The following DNAJC5 variants were observed in gnomAD, a reference collection of about 807,000 sequenced individuals.
DNAJC5 encodes dnaJ homolog subfamily C member 5.
DNAJC5 carries 1 observed loss-of-function variant against 23.2 expected under a neutral mutation model. That is an observed-to-expected ratio of 0.04 (90% CI 0.02 to 0.20). DNAJC5 has a LOEUF of 0.20. Among genes scored for constraint, DNAJC5 ranks in the 10% least tolerant of loss-of-function variants. DNAJC5 has a pLI of 1.00. For synonymous variants in DNAJC5, 136 were observed against 120.0 expected, an observed-to-expected ratio of 1.13 and a Z score of -0.87; for missense variants, 180 against 267.0, an observed-to-expected ratio of 0.67 and a Z score of 2.27.
At chr20:63,923,192 G>A (rs944829864) in intron 1 of DNAJC5, among the ~76,000 whole-genome samples, 24 of 150,556 alleles carry the variant, frequency 1.6e-4, no homozygotes, top group Admixed American at 1.6e-3. Context: ...GCAGTGGCTT[G>A]CACCTATAAT....
At position 63,933,463 on chromosome 20, in the gene DNAJC5, C is replaced by G. The variant is rs886056945; in HGVS notation, c.*1895C>G. ...TGTCCCACTTTTCTTTGTTTCTTCT[C>G]ACTAAAATGATCACGAAGACCTTTG... On this transcript the variant is annotated 3_prime_UTR_variant, in exon 5 of 5. Transcript: ENST00000360864. 6.6e-6 allele frequency: 1 copy of G among 152,330 alleles called. No homozygotes were observed. The highest frequency in any genetic ancestry group is 1.5e-5 in the Non-Finnish European group (1 of 68,032). 9.4% of individuals were successfully genotyped at this position (152,330 alleles called of 1,614,324 possible).
At chr20:63,909,910 C>T (rs2053471908) in intron 1 of DNAJC5, among the ~76,000 whole-genome samples, 1 of 152,206 alleles carries the variant, frequency 6.6e-6, no homozygotes, top group African/African-American at 2.4e-5. Context: ...CAGCAAGCAG[C>T]ATGACCTCGT....
intron 1 of DNAJC5, among the ~76,000 whole-genome samples, chr20:63,895,731 A>C (rs2053370940): frequency 6.6e-6 from 1 of 152,162 alleles, no homozygotes; most frequent in Admixed American, 6.5e-5. Context: ...AGGGAGGCAG[A>C]TAATTTAGTC....
chr20:63,909,120 C>T (rs817382), intron 1 of DNAJC5: 55,814 of 151,672 alleles, frequency 0.37, 11,746 homozygotes, highest in East Asian at 0.81. Flanking sequence ...CTGTCCCCCC[C>T]GCCCAAAAAA....
At chr20:63,895,881 T>C (rs2053372158) in intron 1 of DNAJC5, among the ~76,000 whole-genome samples, 1 of 152,246 alleles carries the variant, frequency 6.6e-6, no homozygotes, top group Non-Finnish European at 1.5e-5. Flanking sequence ...ATAAAAACAT[T>C]TGAAGCCATG....
intron 1 of DNAJC5, among the ~76,000 whole-genome samples, chr20:63,917,200 C>T (rs1029142952): frequency 6.6e-5 from 10 of 152,196 alleles, no homozygotes; most frequent in African/African-American, 1.4e-4. Context: ...GCCGGTCCAT[C>T]TGTTCAGGGT....
rs2053562927 is a variant in DNAJC5, at chr20:63,920,644, GA to G, written c.-11-7690del. 6.6e-6 allele frequency among the ~76,000 whole-genome samples: 1 copy of G among 152,204 alleles called. No homozygotes were observed. Among genetic ancestry groups the G allele is most frequent in the South Asian group, 2.1e-4 (1 of 4,826 alleles). ...GGGATACGCTGGATTTGTAAAACGT[GA>G]CCCTTTTTGTTTGCTTTTAATTTTT... On this transcript the variant is annotated intron_variant, in intron 1 of 4. Transcript: ENST00000360864. This position sits in a 1 kb window ranked among gnomAD's most constrained non-coding sequence, Gnocchi z 4.6.
chr20:63,896,708 T>G (rs1375751536), intron 1 of DNAJC5, among the ~76,000 whole-genome samples: 3 of 152,186 alleles, frequency 2.0e-5, no homozygotes, highest in Admixed American at 2.0e-4. Context: ...CAGCGCTGAA[T>G]CCTCCTAGTG....
chr20:63,925,431 T>A (rs1295218244), intron 1 of DNAJC5, among the ~76,000 whole-genome samples: 2 of 152,106 alleles, frequency 1.3e-5, no homozygotes, highest in African/African-American at 4.8e-5. Flanking sequence ...TGCAGTGAAC[T>A]GAGGTCACAC....
rs542947171 is a variant in DNAJC5 at position 63,922,761 on chromosome 20, C to T, written c.-11-5574C>T. 5.0e-3 allele frequency among the ~76,000 whole-genome samples: 758 copies of T among 152,188 alleles called. 4 individuals carry two copies. The highest frequency in any genetic ancestry group is 8.6e-3 in the Non-Finnish European group (587 of 68,010). On this transcript the variant is annotated intron_variant, in intron 1 of 4. Transcript: ENST00000360864. ...TTCCAGCCTGGGTGACAGAGCAAGACCCTGTCTCCAAACAAACAAAAAAGC... is the reference window on the plus strand; with the variant it reads ...TTCCAGCCTGGGTGACAGAGCAAGATCCTGTCTCCAAACAAACAAAAAAGC...
rs1164169074 is a variant in DNAJC5 at position 63,920,803 on chromosome 20, G to A, written c.-11-7532G>A. ...AGCGATTCTCCTGCCTCAGCCTCCT[G>A]AGTAGCTGGGATTACAGGTGTGTGC... On this transcript the variant is annotated intron_variant, in intron 1 of 4. Transcript: ENST00000360864. This position sits in a 1 kb window ranked among gnomAD's most constrained non-coding sequence, Gnocchi z 4.6. 1.3e-5 allele frequency among the ~76,000 whole-genome samples: 2 copies of A among 152,078 alleles called. No individual in the cohort carries two copies. The highest frequency in any genetic ancestry group is 2.4e-5 in the African/African-American group (1 of 41,402).
At position 63,928,175 on chromosome 20, in the gene DNAJC5, C is replaced by T. The variant is rs1189535800; in HGVS notation, c.-11-160C>T. On this transcript the variant is annotated intron_variant, in intron 1 of 4. Transcript: ENST00000360864. The surrounding 1 kb of genome is among the most constrained non-coding windows in gnomAD (Gnocchi z 4.6). ...GGTGGCCGTATTCTGCCGTCTCACA[C>T]TTCTCCATGCCATGGCGTCTGTCTG... Among the ~76,000 whole-genome samples, 1 of 152,250 alleles carries T rather than the reference C, an allele frequency of 6.6e-6. No homozygotes were observed.
intron 1 of DNAJC5, among the ~76,000 whole-genome samples, chr20:63,898,650 T>G (rs1301183251): frequency 6.6e-6 from 1 of 152,132 alleles, no homozygotes. Context: ...GAGACCATCC[T>G]GGCCAACATG....
At chr20:63,908,430 G>A (rs1443345518) in intron 1 of DNAJC5, among the ~76,000 whole-genome samples, 4 of 152,182 alleles carry the variant, frequency 2.6e-5, no homozygotes, top group African/African-American at 9.7e-5. Flanking sequence ...TTGAGCTTCT[G>A]CTCTGTGGTC....
chr20:63,930,433 C>T (rs2053658966), intron 3 of DNAJC5, among the ~76,000 whole-genome samples: 1 of 152,204 alleles, frequency 6.6e-6, no homozygotes, highest in Admixed American at 6.5e-5. Context: ...CTGCAAGCTC[C>T]ACCTCCCGGG....
At position 63,917,987 on chromosome 20, in the gene DNAJC5, G is replaced by A. The variant is rs898006015; in HGVS notation, c.-11-10348G>A. Among the ~76,000 whole-genome samples, 6 of 152,148 alleles carry A rather than the reference G, an allele frequency of 3.9e-5. No individual in the cohort carries two copies. In the East Asian group the frequency reaches 5.8e-4, roughly 15 times the overall value. On this transcript the variant is annotated intron_variant, in intron 1 of 4. Coordinates refer to ENST00000360864, the MANE Select transcript of DNAJC5 (RefSeq NM_025219.3). ...TCCTGCCAGTGTCTGTGCTGCTCAC[G>A]GTAGCTGCATCAGCTTCACGCTGTC... is the stretch of plus-strand genomic sequence containing the variant.
chr20:63,898,971 C>G (rs1408400684), intron 1 of DNAJC5, among the ~76,000 whole-genome samples: 2 of 152,176 alleles, frequency 1.3e-5, no homozygotes, highest in Non-Finnish European at 2.9e-5. Context: ...GACACACCTC[C>G]TGCCCCGCCA....
rs114525694 is a variant in DNAJC5, at chr20:63,932,385, C to T, written c.*817C>T. ...TTTGTCTGTGTTCCTGCACTTTTCC[C>T]GGGCTCTGAGCTGGATTGATGGGGC... is the stretch of plus-strand genomic sequence containing the variant. On this transcript the variant is annotated 3_prime_UTR_variant, in exon 5 of 5. Coordinates refer to ENST00000360864, the MANE Select transcript of DNAJC5 (RefSeq NM_025219.3). This position sits in a 1 kb window ranked among gnomAD's most constrained non-coding sequence, Gnocchi z 4.4. 4.5e-3 allele frequency: 694 copies of T among 152,768 alleles called. 2 individuals carry two copies. The highest frequency in any genetic ancestry group is 0.016 in the African/African-American group (652 of 41,508). 9.5% of individuals were successfully genotyped at this position (152,768 alleles called of 1,614,324 possible).
At chr20:63,917,179 C>G (rs558303042) in intron 1 of DNAJC5, among the ~76,000 whole-genome samples, 1 of 152,208 alleles carries the variant, frequency 6.6e-6, no homozygotes, top group African/African-American at 2.4e-5. Flanking sequence ...TGTTCCTTTG[C>G]CACAGCTCCA....
Sources: allele counts gnomAD v4.1 joint callset (sites outside exome capture counted in the v4.1 genomes callset), GRCh38; gene constraint gnomAD v4.1.1; non-coding constraint Gnocchi (gnomAD v3.1); transcripts MANE v1.5; gene names NCBI Gene and HGNC (gene_info 2026-07-23, HGNC 2026-07-21).